DNAH9: variants seen among roughly 807,000 people sequenced by gnomAD.
DNAH9 encodes the protein DNAH9 variant protein.
Under a neutral mutation model 471.6 loss-of-function variants are expected in DNAH9, and 345 were observed. The ratio of observed to expected loss-of-function variants is 0.73; its 90% confidence interval spans 0.67 to 0.80. The LOEUF (loss-of-function observed/expected upper bound fraction) is 0.80. DNAH9 is among the 30% of genes least tolerant of loss of function. The pLI, the probability that DNAH9 is intolerant of heterozygous loss-of-function variation, is 0.00. For missense variants in DNAH9, 5,407 were observed against 5,609.2 expected (o/e 0.96, Z 1.15); for synonymous variants, 2,093 against 2,123.6 (o/e 0.99, Z 0.40).
intron 60 of DNAH9, among the ~76,000 whole-genome samples, chr17:11,903,780 G>A (rs1050016530): frequency 6.6e-6 from 1 of 152,074 alleles, no homozygotes; most frequent in African/African-American, 2.4e-5. Flanking sequence ...GCGTGGTGGC[G>A]CATTCCTGTA....
chr17:11,604,568 CAT>C (rs927583380), intron 1 of DNAH9, among the ~76,000 whole-genome samples: 21 of 152,182 alleles, frequency 1.4e-4, no homozygotes, highest in African/African-American at 2.4e-4. Context: ...TACATTTTAA[CAT>C]GTGCAAACAA....
At position 11,704,236 on chromosome 17, in the gene DNAH9, A is replaced by G. The variant is rs2074656842; in HGVS notation, c.5185A>G (p.Thr1729Ala). The G allele has an allele frequency of 1.2e-6, 2 of 1,614,144 alleles. No individual in the cohort carries two copies. Among genetic ancestry groups the G allele is most frequent in the Non-Finnish European group, 1.7e-6 (2 of 1,179,988 alleles). ...GACCTGTACTCAGATCTGGTGGACA[A>G]CAGAAGTGGGCATGGCATTTGCCAG... ...ALTCTQIWWT[T>A]EVGMAFARLE... The change falls in exon 25 of 69, where the codon ACA becomes GCA. Residue 1729 changes from threonine (T) to alanine (A), a missense_variant. Physicochemically the swap from Thr to Ala is moderately conservative, Grantham distance 58. Around this residue, in one of 3 missense-constraint regions of DNAH9, gnomAD observed 4,636 missense variants for 4,900.3 expected, o/e 0.95. Transcript: ENST00000262442.
rs1159789794 is a variant in DNAH9 at position 11,598,489 on chromosome 17, G to A, written c.-10G>A. On this transcript the variant is annotated 5_prime_UTR_variant, in exon 1 of 69. Transcript: ENST00000262442. ...GCTAGGGAAACCGATGCAGCTGGAG[G>A]CCGCGCGCGATGCGGCTCGCGGAGG... 2 of 1,366,674 alleles carry A rather than the reference G, an allele frequency of 1.5e-6. No individual in the cohort carries two copies. The highest frequency in any genetic ancestry group is 1.9e-6 in the Non-Finnish European group (2 of 1,068,840). 84.7% of individuals were successfully genotyped at this position (1,366,674 alleles called of 1,614,324 possible). A position where few individuals can be genotyped will look rare whatever the true frequency, so the allele number is the denominator to read the frequency against.
At chr17:11,857,016 T>C (rs559651405) in intron 50 of DNAH9, among the ~76,000 whole-genome samples, 67 of 152,264 alleles carry the variant, frequency 4.4e-4, no homozygotes, top group African/African-American at 1.6e-3. Flanking sequence ...TGAGCCACCA[T>C]GTCCAGCCCA....
At chr17:11,946,333 A>C (rs921575094) in intron 67 of DNAH9, among the ~76,000 whole-genome samples, 5 of 151,954 alleles carry the variant, frequency 3.3e-5, no homozygotes, top group African/African-American at 1.2e-4. Flanking sequence ...TGAAGCATAG[A>C]CAAAAAGCCT....
chr17:11,864,453 A>G (rs1485658446), intron 50 of DNAH9, among the ~76,000 whole-genome samples: 1 of 149,956 alleles, frequency 6.7e-6, no homozygotes, highest in African/African-American at 2.4e-5. Flanking sequence ...TATGTGGTCA[A>G]TTTTGGAATA....
intron 49 of DNAH9, 133 bp downstream of exon 49, chr17:11,835,031 T>G: frequency 8.2e-7 from 1 of 1,224,514 alleles, no homozygotes; most frequent in South Asian, 1.6e-5. Context: ...ACTGATTTGC[T>G]CATTAAGCAA....
intron 28 of DNAH9, 106 bp downstream of exon 28, chr17:11,728,028 C>G: frequency 1.4e-6 from 1 of 729,832 alleles, no homozygotes; most frequent in Non-Finnish European, 2.4e-6. Flanking sequence ...GTCCCTTTTT[C>G]CCTTGTCATT....
At position 11,645,903 on chromosome 17, in the gene DNAH9, G is replaced by A. The variant is rs377218368; in HGVS notation, c.1971-1169G>A. 2.4e-3 allele frequency among the ~76,000 whole-genome samples: 310 copies of A among 126,696 alleles called. 3 individuals carry two copies. Among genetic ancestry groups the A allele is most frequent in the African/African-American group, 0.011 (287 of 26,332 alleles). The allele number at this position is 126,696 out of a possible 152,430, so 83.1% of individuals were successfully genotyped here. ...TCTTTTTTTTTTTTTTTTTTGAGAC[G>A]GAGTCTTGCTCTGTCGCCCAGATTG... On this transcript the variant is annotated intron_variant, in intron 11 of 68. Coordinates refer to ENST00000262442, the MANE Select transcript of DNAH9 (RefSeq NM_001372.4).
intron 67 of DNAH9, among the ~76,000 whole-genome samples, chr17:11,952,715 G>A (rs1975432885): frequency 6.6e-6 from 1 of 151,996 alleles, no homozygotes; most frequent in Non-Finnish European, 1.5e-5. Flanking sequence ...ATGGCCTGTA[G>A]CCCTTAAAGG....
chr17:11,740,803 A>G (rs1045531308), intron 29 of DNAH9, among the ~76,000 whole-genome samples: 1 of 152,162 alleles, frequency 6.6e-6, no homozygotes, highest in Non-Finnish European at 1.5e-5. Flanking sequence ...AAGCGGCAGA[A>G]TGCTAGAGTT....
chr17:11,652,871 G>A lies in DNAH9; in HGVS notation c.2464G>A (p.Val822Met). The A allele has an allele frequency of 6.2e-7, 1 of 1,614,104 alleles. No homozygotes were observed. The highest frequency in any genetic ancestry group is 8.5e-7 in the Non-Finnish European group (1 of 1,179,990). Residue 822 changes from valine to methionine, a missense_variant, in exon 14 of 69, where the codon GTG (valine) becomes ATG (methionine). Physicochemically the swap from Val to Met is conservative, Grantham distance 21. Coordinates refer to ENST00000262442, the MANE Select transcript of DNAH9 (RefSeq NM_001372.4). ...GATCCAAAACATCATGAAAACATGG[G>A]TGACTCCAATATTTAAGACAAAAGA... ...EEIQNIMKTW[V>M]TPIFKTKDGK...
rs1416923580 is a variant in DNAH9 at position 11,937,332 on chromosome 17, A to C, written c.12490-20A>C. The C allele has an allele frequency of 6.3e-7, 1 of 1,590,914 alleles. No homozygotes were observed. Among genetic ancestry groups the C allele is most frequent in the African/African-American group, 1.4e-5 (1 of 74,002 alleles). ...GTACGTCCTGGTTTCTTTTTAAGTG[A>C]GCTTGCCCTTGATTTTCAGTACATC... On this transcript the variant is annotated intron_variant, in intron 65 of 68. Transcript: ENST00000262442. This position sits in a 1 kb window ranked among gnomAD's most constrained non-coding sequence, Gnocchi z 4.1.
At chr17:11,934,849 A>G (rs1448552253) in intron 65 of DNAH9, among the ~76,000 whole-genome samples, 1 of 152,132 alleles carries the variant, frequency 6.6e-6, no homozygotes. Context: ...CTGGAGGAGC[A>G]TGGTCTTGTG....
At chr17:11,919,451 T>G (rs1567899956) in intron 61 of DNAH9, among the ~76,000 whole-genome samples, 2 of 139,256 alleles carry the variant, frequency 1.4e-5, no homozygotes, top group Non-Finnish European at 3.0e-5. Flanking sequence ...GCCGAGATTG[T>G]GCCACTGCAC....
chr17:11,674,531 C>T (rs2074021182), intron 17 of DNAH9, among the ~76,000 whole-genome samples: 1 of 152,158 alleles, frequency 6.6e-6, no homozygotes, highest in African/African-American at 2.4e-5. Context: ...CATTTTTCTA[C>T]TGGACTTTTT....
chr17:11,629,370 T>C, intron 6 of DNAH9, 47 bp from the exon 7 acceptor site: 5 of 1,558,134 alleles, frequency 3.2e-6, no homozygotes, highest in Non-Finnish European at 4.4e-6. Context: ...GTCCTTGCGA[T>C]AGTTTGCTGA....
chr17:11,680,228 C>A (rs1253480010), intron 18 of DNAH9, among the ~76,000 whole-genome samples: 2 of 147,562 alleles, frequency 1.4e-5, no homozygotes, highest in South Asian at 2.1e-4. Context: ...AGAAATGAAC[C>A]AATGTTTTGG....
In DNAH9 at chr17:11,647,037, G is replaced by A. The variant is rs1256891498; in HGVS notation, c.1971-35G>A. 3.1e-6 allele frequency: 5 copies of A among 1,610,080 alleles called. No individual in the cohort carries two copies. The Admixed American group carries it at 6.7e-5, about 22-fold the overall frequency. On this transcript the variant is annotated intron_variant, in intron 11 of 68. Transcript: ENST00000262442. ...CCAGGCACCGGTGAGCTGGGAGGGG[G>A]CTTATGAGGTGGCTGTTGTCTCTGA...
Sources: allele counts gnomAD v4.1 joint callset (sites outside exome capture counted in the v4.1 genomes callset), GRCh38; gene constraint gnomAD v4.1.1; regional missense constraint gnomAD v4.1.1; non-coding constraint Gnocchi (gnomAD v3.1); transcripts MANE v1.5; gene names NCBI Gene and HGNC (gene_info 2026-07-23, HGNC 2026-07-21).